The following SPATA13 variants were observed in gnomAD, a reference collection of about 807,000 sequenced individuals.
The protein encoded by SPATA13 is spermatogenesis associated 13.
In SPATA13, 50 loss-of-function variants were observed where a neutral mutation model predicts 104.0. The ratio of observed to expected loss-of-function variants is 0.48; its 90% CI spans 0.38 to 0.61. SPATA13 has a LOEUF of 0.61. SPATA13 is among the 20% of genes least tolerant of loss of function. The pLI is 0.00. For synonymous variants in SPATA13, 606 were observed against 667.5 expected, an observed-to-expected ratio of 0.91 and a Z score of 1.42; for missense variants, 1,524 against 1,690.6, an observed-to-expected ratio of 0.90 and a Z score of 1.73.
intron 4 of SPATA13, among the ~76,000 whole-genome samples, chr13:24,259,059 G>A (rs1029223107): frequency 1.3e-5 from 2 of 152,290 alleles, no homozygotes; most frequent in South Asian, 2.1e-4. Flanking sequence ...TGAGCATCTC[G>A]TCTCATGCCT....
intron 4 of SPATA13, among the ~76,000 whole-genome samples, chr13:24,279,447 A>G (rs567216749): frequency 7.2e-5 from 11 of 152,278 alleles, no homozygotes; most frequent in African/African-American, 2.2e-4. Flanking sequence ...TCTGGCAGCT[A>G]TGGCCTGCCG....
intron 3 of SPATA13, among the ~76,000 whole-genome samples, chr13:24,119,018 T>C (rs1172179056): frequency 2.6e-5 from 4 of 151,876 alleles, no homozygotes; most frequent in Non-Finnish European, 5.9e-5. Context: ...TGATTCTCCT[T>C]CCTCAGCCTC....
At chr13:24,193,509 G>A (rs9507268) in intron 1 of SPATA13, among the ~76,000 whole-genome samples, 65,112 of 151,978 alleles carry the variant, frequency 0.43, 16,117 homozygotes, top group Non-Finnish European at 0.56. Context: ...ACCTGGAGCC[G>A]AGAATGGGTG....
At chr13:24,062,332 A>G (rs901851345) in intron 3 of SPATA13, among the ~76,000 whole-genome samples, 2 of 152,230 alleles carry the variant, frequency 1.3e-5, no homozygotes, top group African/African-American at 4.8e-5. Flanking sequence ...CTTTGGAGGA[A>G]GGACTAAAGG....
intron 4 of SPATA13, among the ~76,000 whole-genome samples, chr13:24,271,591 C>T (rs1874616463): frequency 6.6e-6 from 1 of 152,184 alleles, no homozygotes; most frequent in South Asian, 2.1e-4. Flanking sequence ...TGTACTCTCA[C>T]ACTAGGAAGC....
At chr13:24,278,100 G>C (rs551373087) in intron 4 of SPATA13, among the ~76,000 whole-genome samples, 1 of 152,184 alleles carries the variant, frequency 6.6e-6, no homozygotes, top group African/African-American at 2.4e-5. Flanking sequence ...GTTAGTGAGG[G>C]AACGGAGGGC....
chr13:24,020,195 G>T (rs1409508413), intron 3 of SPATA13, among the ~76,000 whole-genome samples: 2 of 152,154 alleles, frequency 1.3e-5, no homozygotes, highest in South Asian at 2.1e-4. Flanking sequence ...TGAGATCTGT[G>T]TGTTTTAATG....
chr13:24,194,382 T>C (rs1206992931), intron 1 of SPATA13, among the ~76,000 whole-genome samples: 1 of 152,126 alleles, frequency 6.6e-6, no homozygotes, highest in African/African-American at 2.4e-5. Flanking sequence ...GGACAGGAAG[T>C]GGAGAGGAAA....
chr13:24,172,553 A>C (rs181367559), intron 1 of SPATA13, among the ~76,000 whole-genome samples: 1 of 152,184 alleles, frequency 6.6e-6, no homozygotes. Context: ...GATTTAGGTC[A>C]GTGTTTTTTT....
At position 24,143,879 on chromosome 13, in the gene SPATA13, A is replaced by G. The variant is rs944412333; in HGVS notation, c.-111-78940A>G. Among the ~76,000 whole-genome samples, 8 of 152,326 alleles carry G rather than the reference A, an allele frequency of 5.3e-5. No homozygotes were observed. The East Asian group carries it at 1.2e-3, about 22-fold the overall frequency. On this transcript the variant is annotated intron_variant, in intron 3 of 14. Coordinates refer to the SPATA13 transcript ENST00000424834. ...TCTCTCTGGCCAGATGACCTTAGCC[A>G]AGTTATTCTTCTAATGTCCTCATCT...
chr13:24,097,660 C>T (rs1457151720), intron 3 of SPATA13, among the ~76,000 whole-genome samples: 3 of 152,160 alleles, frequency 2.0e-5, no homozygotes, highest in East Asian at 1.9e-4. Context: ...AAACTACCAA[C>T]AAAAACAAGC....
At chr13:24,131,679 C>G (rs1271005721) in intron 3 of SPATA13, among the ~76,000 whole-genome samples, 4 of 152,162 alleles carry the variant, frequency 2.6e-5, no homozygotes, top group African/African-American at 4.8e-5. Flanking sequence ...GTACAAATGA[C>G]TAGATTATTG....
chr13:24,032,007 T>C (rs991045363), intron 3 of SPATA13, among the ~76,000 whole-genome samples: 1 of 152,224 alleles, frequency 6.6e-6, no homozygotes, highest in African/African-American at 2.4e-5. Flanking sequence ...GTCAAGCTTC[T>C]GAATCTTCTG....
At chr13:24,199,449 G>A (rs939720053) in intron 1 of SPATA13, among the ~76,000 whole-genome samples, 2 of 152,166 alleles carry the variant, frequency 1.3e-5, no homozygotes, top group African/African-American at 4.8e-5. Flanking sequence ...TTCTTCCATA[G>A]GAAAAGCACT....
Position 24,302,793 on chromosome 13 carries a change from C to T in SPATA13, c.*20C>T, listed in dbSNP as rs532423445. The T allele has an allele frequency of 2.5e-6, 4 of 1,614,100 alleles. No individual in the cohort carries two copies. Among genetic ancestry groups the T allele is most frequent in the African/African-American group, 1.3e-5 (1 of 75,058 alleles). The stretch of plus-strand genomic sequence containing the variant: ...AAATGAAAACAGGAGGCTGTGCTTC[C>T]ATGGAGCTGGGTGTCAAGAGAAGAA... On this transcript the variant is annotated 3_prime_UTR_variant, in exon 13 of 13. Transcript: ENST00000382108.
chr13:24,249,430 A>T, intron 2 of SPATA13, 47 bp from the exon 3 acceptor site: 1 of 1,463,606 alleles, frequency 6.8e-7, no homozygotes, highest in Non-Finnish European at 9.1e-7. Flanking sequence ...TCTTTCTTTA[A>T]TACCTTCCTG....
intron 7 of SPATA13, among the ~76,000 whole-genome samples, chr13:24,288,552 TGGAATCCTTGGGTAAGA>T (rs6144956): frequency 0.31 from 47,439 of 152,020 alleles, 7,826 homozygotes; most frequent in East Asian, 0.52. Context: ...GCGGTGCTGG[TGGAATCCTTGGGTAAGA>T]GGAATCCTTG....
At chr13:24,006,630 G>A (rs960766126) in intron 2 of SPATA13, among the ~76,000 whole-genome samples, 2 of 152,164 alleles carry the variant, frequency 1.3e-5, no homozygotes, top group South Asian at 4.1e-4. Context: ...GGGAGGTGCC[G>A]GCTGATTTGG....
intron 3 of SPATA13, among the ~76,000 whole-genome samples, chr13:24,136,337 G>A (rs946494453): frequency 2.0e-5 from 3 of 152,058 alleles, no homozygotes; most frequent in Non-Finnish European, 1.5e-5. Context: ...TTAGCCGGGT[G>A]TGGTGGCGCA....
Sources: allele counts gnomAD v4.1 joint callset (sites outside exome capture counted in the v4.1 genomes callset), GRCh38; gene constraint gnomAD v4.1.1; transcripts MANE v1.5; gene names NCBI Gene and HGNC (gene_info 2026-07-23, HGNC 2026-07-21).